TTC7A: variants seen among roughly 807,000 people sequenced by gnomAD.
TTC7A encodes the protein tetratricopeptide repeat protein 7A.
A neutral mutation model predicts 103.7 loss-of-function variants in TTC7A; 110 were observed. The observed-to-expected ratio is 1.06, with a 90% confidence interval of 0.91 to 1.24. The LOEUF (loss-of-function observed/expected upper bound fraction) is 1.24. Ranked by LOEUF, TTC7A falls within the 50% of genes most tolerant of loss-of-function variation. The probability of loss-of-function intolerance (pLI) is 0.00; values close to 1 mark genes in which losing one functional copy is unlikely to be tolerated. For synonymous variants in TTC7A, 521 were observed against 467.9 expected (o/e 1.11, Z -1.47); for missense variants, 1,340 against 1,116.3 (o/e 1.20, Z -2.86).
intron 15 of TTC7A, among the ~76,000 whole-genome samples, chr2:47,033,296 G>C (rs1411446794): frequency 6.6e-6 from 1 of 152,228 alleles, no homozygotes; most frequent in African/African-American, 2.4e-5. Context: ...TCCCCAGTAA[G>C]ATCTGTATCC....
At chr2:47,046,733 A>C (rs982233085) in intron 16 of TTC7A, 1 of 367,524 alleles carries the variant, frequency 2.7e-6, no homozygotes, top group Non-Finnish European at 4.9e-6. Flanking sequence ...CTTACACCTC[A>C]GCTGCTTATA....
intron 19 of TTC7A, among the ~76,000 whole-genome samples, chr2:47,065,238 G>C (rs982394869): frequency 3.9e-5 from 6 of 152,228 alleles, no homozygotes; most frequent in Non-Finnish European, 8.8e-5. Context: ...AATGAGCCAA[G>C]ATCACGCCAC....
At chr2:47,060,289 G>A (rs897261543) in intron 18 of TTC7A, among the ~76,000 whole-genome samples, 2 of 152,090 alleles carry the variant, frequency 1.3e-5, no homozygotes, top group African/African-American at 4.8e-5. Context: ...AAAATCACTT[G>A]AACCCAGGGG....
intron 19 of TTC7A, among the ~76,000 whole-genome samples, chr2:47,069,621 G>T (rs2103621696): frequency 6.6e-6 from 1 of 152,362 alleles, no homozygotes; most frequent in Non-Finnish European, 1.5e-5. Flanking sequence ...GGCCTGTGGT[G>T]ATGGGAGTGG....
At chr2:47,014,598 G>A (rs958340747) in intron 11 of TTC7A, among the ~76,000 whole-genome samples, 1 of 152,254 alleles carries the variant, frequency 6.6e-6, no homozygotes, top group African/African-American at 2.4e-5. Flanking sequence ...TGAAAAGAAT[G>A]GGTCTGCCTG....
intron 5 of TTC7A, among the ~76,000 whole-genome samples, chr2:46,984,734 G>A (rs60732316): frequency 0.065 from 9,937 of 152,262 alleles, 368 homozygotes; most frequent in Non-Finnish European, 0.079. Context: ...GCTCTGGGAA[G>A]GCCAGGTGAC....
chr2:47,056,994 T>C (rs1466425868), intron 18 of TTC7A, among the ~76,000 whole-genome samples: 2 of 152,142 alleles, frequency 1.3e-5, no homozygotes, highest in African/African-American at 4.8e-5. Flanking sequence ...CAGGGGATGC[T>C]GGGATGGATG....
In TTC7A at chr2:46,951,696, G is replaced by T. The variant is rs556945661; in HGVS notation, c.348+1170G>T. The T allele has an allele frequency of 2.0e-5, 9 of 455,820 alleles. No individual in the cohort carries two copies. In the Admixed American group the frequency reaches 2.1e-4, roughly 11 times the overall value. The allele number at this position is 455,820 out of a possible 1,614,324, so 28.2% of individuals were successfully genotyped here. On this transcript the variant is annotated intron_variant, in intron 2 of 19. Coordinates refer to ENST00000319190, the MANE Select transcript of TTC7A (RefSeq NM_020458.4). ...GAAGCGTTGGGATTACAGGAGTGAGGCACTGCGCCCAGCTGATTTTTAAAG... is the reference window on the plus strand; with the variant it reads ...GAAGCGTTGGGATTACAGGAGTGAGTCACTGCGCCCAGCTGATTTTTAAAG...
Position 47,007,022 on chromosome 2 carries a change from G to A in TTC7A, c.1287+298G>A, listed in dbSNP as rs1373169452. Reference sequence around the variant, plus strand: ...GTGCTGAAGAGCTAATAATGTGACTGCATGTGGTGGATATGAGGTGCATCC... The same window carrying A: ...GTGCTGAAGAGCTAATAATGTGACTACATGTGGTGGATATGAGGTGCATCC... On this transcript the variant is annotated intron_variant, in intron 10 of 19. Transcript: ENST00000319190. The surrounding 1 kb of genome is among the most constrained non-coding windows in gnomAD (Gnocchi z 4.9). 6.6e-6 allele frequency among the ~76,000 whole-genome samples: 1 copy of A among 152,174 alleles called. No homozygotes were observed. Among genetic ancestry groups the A allele is most frequent in the Non-Finnish European group, 1.5e-5 (1 of 68,034 alleles).
chr2:46,915,874 C>G, upstream of TTC7A: 2 of 983,366 alleles, frequency 2.0e-6, no homozygotes, highest in Non-Finnish European at 2.4e-6. Context: ...CCATTGGCGC[C>G]GCCGGGCCCC....
chr2:46,986,003 C>G (rs978685272), intron 5 of TTC7A, among the ~76,000 whole-genome samples: 1 of 152,236 alleles, frequency 6.6e-6, no homozygotes, highest in African/African-American at 2.4e-5. Context: ...ACCATCCCCC[C>G]ACTCGCCCTG....
At chr2:46,949,875 AAAAC>A (rs965609661) in intron 1 of TTC7A, among the ~76,000 whole-genome samples, 9 of 152,288 alleles carry the variant, frequency 5.9e-5, no homozygotes, top group East Asian at 1.9e-4. Context: ...GACTCTGTTT[AAAAC>A]AAACAAACAA....
At chr2:47,037,399 G>A (rs1374165761) in intron 15 of TTC7A, among the ~76,000 whole-genome samples, 1 of 152,188 alleles carries the variant, frequency 6.6e-6, no homozygotes, top group Non-Finnish European at 1.5e-5. Context: ...GCGGGGATTT[G>A]GGGATCTCAC....
At position 46,993,499 on chromosome 2, in the gene TTC7A, G is replaced by A. The variant is rs1170567026; in HGVS notation, c.814G>A (p.Glu272Lys). 1 of 1,614,034 alleles carries A rather than the reference G, an allele frequency of 6.2e-7. No individual in the cohort carries two copies. The highest frequency in any genetic ancestry group is 8.5e-7 in the Non-Finnish European group (1 of 1,180,026). The change falls in exon 6 of 20, where the codon GAG becomes AAG. Residue 272 changes from glutamate (E) to lysine (K), a missense_variant. By Grantham distance (56) the Glu-to-Lys change is moderately conservative. Transcript: ENST00000319190. ...GCTCCGGGAGGTGCTGCGGACTGTG[G>A]AGACCAAAGCAACTCAGAACTTCAA... ...RELREVLRTVETKATQNFKVM... is the reference protein window; with the variant it reads ...RELREVLRTVKTKATQNFKVM...
chr2:47,023,603 G>C (rs1417331788), intron 13 of TTC7A, 138 bp downstream of exon 13: 4 of 948,460 alleles, frequency 4.2e-6, no homozygotes, highest in Non-Finnish European at 6.4e-6. Flanking sequence ...ACTGCACACA[G>C]CAAGCAGGGA....
At chr2:47,027,058 C>A (rs889530979) in intron 14 of TTC7A, among the ~76,000 whole-genome samples, 3 of 152,222 alleles carry the variant, frequency 2.0e-5, no homozygotes, top group Non-Finnish European at 4.4e-5. Context: ...CCAGGCCTTC[C>A]TGGCCCTCCA....
rs532161523 is a variant in TTC7A, at chr2:46,994,598, C to T, written c.1001+84C>T. ...CCCCACTGGTGGCTTCCTCTTTGCCCCATGCTCTCCTCCAGTCTCCACTCA... is the reference window on the plus strand; with the variant it reads ...CCCCACTGGTGGCTTCCTCTTTGCCTCATGCTCTCCTCCAGTCTCCACTCA... On this transcript the variant is annotated intron_variant, in intron 7 of 19. Coordinates refer to ENST00000319190, the MANE Select transcript of TTC7A (RefSeq NM_020458.4). The T allele has an allele frequency of 7.2e-5, 101 of 1,395,690 alleles. 1 individual carries two copies. The South Asian group carries it at 1.3e-3, about 18-fold the overall frequency. The allele number at this position is 1,395,690 out of a possible 1,614,324, so 86.5% of individuals were successfully genotyped here. A position where few individuals can be genotyped will look rare whatever the true frequency, so the allele number is the denominator to read the frequency against.
chr2:46,916,068 G>T (rs1668770096), upstream of TTC7A: 3 of 985,488 alleles, frequency 3.0e-6, no homozygotes, highest in Non-Finnish European at 3.6e-6. Context: ...AACGCCGGAA[G>T]CCCTCAGGAA....
chr2:46,954,464 A>C (rs917401175), intron 2 of TTC7A, among the ~76,000 whole-genome samples: 1 of 152,146 alleles, frequency 6.6e-6, no homozygotes, highest in East Asian at 1.9e-4. Flanking sequence ...AGAAGCAAAA[A>C]ATAGCAGCAA....
Sources: allele counts gnomAD v4.1 joint callset (sites outside exome capture counted in the v4.1 genomes callset), GRCh38; gene constraint gnomAD v4.1.1; non-coding constraint Gnocchi (gnomAD v3.1); transcripts MANE v1.5; gene names NCBI Gene and HGNC (gene_info 2026-07-23, HGNC 2026-07-21).